The following LEO1 variants were observed in gnomAD, a reference collection of about 807,000 sequenced individuals.
LEO1 encodes RNA polymerase-associated protein LEO1.
In LEO1, 34 loss-of-function variants were observed where a neutral mutation model predicts 80.4. The observed-to-expected ratio is 0.42, with a 90% CI of 0.32 to 0.56. The LOEUF (loss-of-function observed/expected upper bound fraction) is 0.56, where lower values mean the gene tolerates loss of function less well. Among genes scored for constraint, LEO1 ranks in the 20% least tolerant of loss-of-function variants. The pLI, the probability that LEO1 is intolerant of heterozygous loss-of-function variation, is 0.10. For missense variants in LEO1, 631 were observed against 814.2 expected (o/e 0.77, Z 2.74); for synonymous variants, 262 against 274.9 (o/e 0.95, Z 0.46).
chr15:51,959,994 C>T lies in LEO1; in HGVS notation c.1065G>A (p.Glu355=). 1 of 1,613,538 alleles carries T rather than the reference C, an allele frequency of 6.2e-7. No homozygotes were observed. Among genetic ancestry groups the T allele is most frequent in the Non-Finnish European group, 8.5e-7 (1 of 1,179,766 alleles). The change falls in exon 5 of 12, where the codon GAG becomes GAA. Residue 355 remains glutamate, a synonymous_variant. Transcript: ENST00000299601. ...TGGGTATTTCTACTTCTATTCTGGT[C>T]TCAGGAATTGGCTCCTCTTCCTGTT... ...QDQQEEEPIP[E]TRIEVEIPKV... is the part of the protein sequence containing the mutation.
At chr15:51,943,856 C>A (rs56903771) in intron 11 of LEO1, among the ~76,000 whole-genome samples, 2,317 of 147,898 alleles carry the variant, frequency 0.016, 65 homozygotes, top group East Asian at 0.076. Flanking sequence ...ACCAGAACAG[C>A]ACAATAGTAG....
chr15:51,966,330 T>C lies in LEO1; in HGVS notation c.233A>G (p.Asp78Gly). The change falls in exon 2 of 12, where the codon GAT becomes GGT. Residue 78 changes from aspartate to glycine, a missense_variant. This residue lies in a region of LEO1 where 394 missense variants were observed against 395.6 expected (regional missense o/e 1.00). Coordinates refer to ENST00000299601, the MANE Select transcript of LEO1 (RefSeq NM_138792.4). Reference sequence around the variant, plus strand: ...ATTGTCTGATCTTTCAGAGTGATTATCACTACCACTATGATGTGAAGCTCC... The same window carrying C: ...ATTGTCTGATCTTTCAGAGTGATTACCACTACCACTATGATGTGAAGCTCC... ...DEGASHHSGSDNHSERSDNRS... is the reference protein window; with the variant it reads ...DEGASHHSGSGNHSERSDNRS... 1 of 1,614,208 alleles carries C rather than the reference T, an allele frequency of 6.2e-7. No homozygotes were observed. The highest frequency in any genetic ancestry group is 8.5e-7 in the Non-Finnish European group (1 of 1,180,042).
intron 7 of LEO1, 53 bp downstream of exon 7, chr15:51,954,428 T>C: frequency 9.8e-7 from 1 of 1,024,630 alleles, no homozygotes; most frequent in East Asian, 2.4e-5. Context: ...CAAAACTTGA[T>C]CCCTCTGACC....
intron 1 of LEO1, among the ~76,000 whole-genome samples, chr15:51,968,689 C>T (rs1461745763): frequency 1.3e-5 from 2 of 151,950 alleles, no homozygotes; most frequent in South Asian, 2.1e-4. Context: ...ATTAGCCAGG[C>T]GTGGTGGTGC....
intron 8 of LEO1, among the ~76,000 whole-genome samples, chr15:51,952,752 T>C (rs1223578345): frequency 6.6e-6 from 1 of 152,194 alleles, no homozygotes; most frequent in Non-Finnish European, 1.5e-5. Flanking sequence ...TTCCTTCGAT[T>C]GCATGCACAA....
Position 51,966,243 on chromosome 15 carries a change from T to G in LEO1, c.320A>C (p.His107Pro), listed in dbSNP as rs781194468. The G allele has an allele frequency of 1.6e-4, 263 of 1,613,918 alleles. No homozygotes were observed. The highest frequency in any genetic ancestry group is 2.1e-4 in the Non-Finnish European group (253 of 1,180,034). ...ATCATTAGGGGCTTCTGATCCACTG[T>G]GCTGATCTACATCTGAGGGGTCATT... ...EDNDPSDVDQ[H>P]SGSEAPNDDE... The change falls in exon 2 of 12, where the codon CAC (histidine) becomes CCC (proline). Residue 107 changes from histidine to proline, a missense_variant. His to Pro is a moderately conservative substitution (Grantham distance 77). This residue lies in a region of LEO1 where 394 missense variants were observed against 395.6 expected (regional missense o/e 1.00). Transcript: ENST00000299601.
At chr15:51,944,545 A>G (rs1036789901) in intron 11 of LEO1, among the ~76,000 whole-genome samples, 3 of 152,168 alleles carry the variant, frequency 2.0e-5, no homozygotes, top group Admixed American at 6.5e-5. Flanking sequence ...ATTATTTATA[A>G]TTTTTAATTG....
intron 10 of LEO1, 55 bp from the exon 11 acceptor site, chr15:51,947,444 C>T: frequency 7.7e-7 from 1 of 1,303,966 alleles, no homozygotes. Context: ...GAGACAGGGT[C>T]TTGCTTTGAG....
At chr15:51,939,973 C>A (rs967126801) in intron 11 of LEO1, among the ~76,000 whole-genome samples, 2 of 152,018 alleles carry the variant, frequency 1.3e-5, no homozygotes, top group African/African-American at 4.8e-5. Flanking sequence ...TGCCAAGGAC[C>A]GGCCGGGCGC....
intron 11 of LEO1, among the ~76,000 whole-genome samples, chr15:51,943,662 C>T (rs1477716425): frequency 3.3e-5 from 5 of 150,440 alleles, no homozygotes; most frequent in South Asian, 2.1e-4. Context: ...ATCGCACCAC[C>T]GCACCCCTGC....
At chr15:51,954,446 G>T in intron 7 of LEO1, 35 bp downstream of exon 7, 1 of 1,290,530 alleles carries the variant, frequency 7.7e-7, no homozygotes, top group Non-Finnish European at 1.1e-6. Context: ...ACCCGTTCTG[G>T]GTATGTCAAT....
rs1223343299 is a variant in LEO1, at chr15:51,938,090, ATAAC to A, written c.*62_*65del. ...AGCAAATCGATTCATTTCAATCAAA[ATAAC>A]TCATGTTTACATATTTATAACTGTA... On this transcript the variant is annotated 3_prime_UTR_variant, in exon 12 of 12. Coordinates refer to ENST00000299601, the MANE Select transcript of LEO1 (RefSeq NM_138792.4). 1.4e-5 allele frequency: 11 copies of A among 762,874 alleles called. No individual in the cohort carries two copies. In the African/African-American group the frequency reaches 1.8e-4, roughly 12 times the overall value. The allele number at this position is 762,874 out of a possible 1,614,324, so 47.3% of individuals were successfully genotyped here.
intron 11 of LEO1, among the ~76,000 whole-genome samples, chr15:51,941,799 T>C (rs542333527): frequency 3.3e-5 from 5 of 152,380 alleles, no homozygotes; most frequent in Admixed American, 6.5e-5. Context: ...CTACTACATA[T>C]TGTGTTACTT....
chr15:51,952,088 G>A (rs1458256875), intron 8 of LEO1, 109 bp from the exon 9 acceptor site: 1 of 901,492 alleles, frequency 1.1e-6, no homozygotes, highest in Non-Finnish European at 1.6e-6. Flanking sequence ...CTAGTCACCT[G>A]AAAAAATAGG....
Position 51,940,152 on chromosome 15 carries a change from G to A in LEO1, c.1897-1892C>T, listed in dbSNP as rs574992357. Among the ~76,000 whole-genome samples the A allele has an allele frequency of 7.9e-5, 12 of 151,470 alleles. No homozygotes were observed. The East Asian group carries it at 2.3e-3, about 29-fold the overall frequency. On this transcript the variant is annotated intron_variant, in intron 11 of 11. Coordinates refer to ENST00000299601, the MANE Select transcript of LEO1 (RefSeq NM_138792.4). ...TGCCTGTAATCCCAGCTACTCAGGAGGCTGAGGCAGGAGAATCACTTGAAC... is the reference window on the plus strand; with the variant it reads ...TGCCTGTAATCCCAGCTACTCAGGAAGCTGAGGCAGGAGAATCACTTGAAC...
chr15:51,938,404 C>T, intron 11 of LEO1, 144 bp from the exon 12 acceptor site: 2 of 600,868 alleles, frequency 3.3e-6, no homozygotes, highest in South Asian at 4.2e-5. Flanking sequence ...TGTGAGGTGT[C>T]AGCAACTGTG....
In LEO1 at chr15:51,971,675, C is replaced by A. The variant is rs765861620; in HGVS notation, c.58+13G>T. On this transcript the variant is annotated intron_variant, in intron 1 of 11. Coordinates refer to ENST00000299601, the MANE Select transcript of LEO1 (RefSeq NM_138792.4). Reference sequence around the variant, plus strand: ...CTGCCACGCACCCATCCTCCGAAGACCAGCGAACCCACCTTTACGCTCAGC... The same window carrying A: ...CTGCCACGCACCCATCCTCCGAAGAACAGCGAACCCACCTTTACGCTCAGC... 4 of 1,613,796 alleles carry A rather than the reference C, an allele frequency of 2.5e-6. No homozygotes were observed. Among genetic ancestry groups the A allele is most frequent in the Non-Finnish European group, 3.4e-6 (4 of 1,179,778 alleles).
chr15:51,938,735 C>T (rs1293565386), intron 11 of LEO1, among the ~76,000 whole-genome samples: 1 of 152,210 alleles, frequency 6.6e-6, no homozygotes, highest in Non-Finnish European at 1.5e-5. Context: ...TAAAGGGCAT[C>T]TATAAACAAG....
In LEO1 at chr15:51,965,895, T is replaced by C; in HGVS notation, c.668A>G (p.Asp223Gly). The change falls in exon 2 of 12, where the codon GAT becomes GGT. Residue 223 changes from aspartate to glycine, a missense_variant. By Grantham distance (94) the Asp-to-Gly change is moderately conservative. Transcript: ENST00000299601. ...DDERPVASDN[D>G]DEKQNSDDEE... ...ATCATCAGAATTCTGTTTCTCATCA[T>C]CATTATCAGAAGCTACCGGCCGTTC... is the stretch of plus-strand genomic sequence containing the variant. The C allele has an allele frequency of 6.2e-7, 1 of 1,614,182 alleles. No homozygotes were observed. Among genetic ancestry groups the C allele is most frequent in the Non-Finnish European group, 8.5e-7 (1 of 1,180,026 alleles).
Sources: allele counts gnomAD v4.1 joint callset (sites outside exome capture counted in the v4.1 genomes callset), GRCh38; gene constraint gnomAD v4.1.1; regional missense constraint gnomAD v4.1.1; transcripts MANE v1.5; gene names NCBI Gene and HGNC (gene_info 2026-07-23, HGNC 2026-07-21).